PDZRN4: variants seen among roughly 807,000 people sequenced by gnomAD.
The protein encoded by PDZRN4 is PDZ domain-containing RING finger protein 4.
A neutral mutation model predicts 99.0 loss-of-function variants in PDZRN4; 70 were observed. That is an observed-to-expected ratio of 0.71 (90% CI 0.58 to 0.86). The LOEUF is 0.86. Among genes scored for constraint, PDZRN4 ranks in the 40% least tolerant of loss-of-function variants. PDZRN4 has a pLI of 0.00. For missense variants in PDZRN4, 1,474 were observed against 1,331.2 expected, an observed-to-expected ratio of 1.11 and a Z score of -1.67; for synonymous variants, 551 against 501.6, an observed-to-expected ratio of 1.10 and a Z score of -1.32.
chr12:41,516,540 G>T (rs1938403429), intron 5 of PDZRN4, among the ~76,000 whole-genome samples: 1 of 152,078 alleles, frequency 6.6e-6, no homozygotes. Context: ...ATGGATTTAA[G>T]TGTATACCTG....
chr12:41,408,991 G>A (rs2120368722), intron 3 of PDZRN4, among the ~76,000 whole-genome samples: 1 of 152,146 alleles, frequency 6.6e-6, no homozygotes, highest in South Asian at 2.1e-4. Flanking sequence ...AACCTACTCA[G>A]ATATGTAAGT....
chr12:41,290,750 G>A (rs1463306337), intron 3 of PDZRN4, among the ~76,000 whole-genome samples: 2 of 151,858 alleles, frequency 1.3e-5, no homozygotes, highest in African/African-American at 4.8e-5. Flanking sequence ...CAATCTTTTG[G>A]AGAAGGAATA....
chr12:41,384,361 T>C (rs1952150491), intron 3 of PDZRN4, among the ~76,000 whole-genome samples: 1 of 152,166 alleles, frequency 6.6e-6, no homozygotes, highest in Non-Finnish European at 1.5e-5. Flanking sequence ...TCCTCCTTAC[T>C]CAGTGTTTTT....
intron 3 of PDZRN4, among the ~76,000 whole-genome samples, chr12:41,410,134 C>CT (rs1465930809): frequency 6.6e-6 from 1 of 152,128 alleles, no homozygotes; most frequent in Non-Finnish European, 1.5e-5. Context: ...AACATTTTAT[C>CT]TTTTTGAGAA....
chr12:41,504,112 T>C (rs1938162388), intron 3 of PDZRN4, among the ~76,000 whole-genome samples: 1 of 151,812 alleles, frequency 6.6e-6, no homozygotes, highest in Non-Finnish European at 1.5e-5. Context: ...CTACTAAAAA[T>C]ACAAAAGTTA....
chr12:41,324,644 G>A (rs1401859791), intron 3 of PDZRN4, among the ~76,000 whole-genome samples: 2 of 152,016 alleles, frequency 1.3e-5, no homozygotes, highest in African/African-American at 2.4e-5. Context: ...AATCCAGATA[G>A]GTATTAGGTT....
At chr12:41,439,545 A>AAGAAATCCAGCAGGATTACTGCAGCC (rs1952659261) in intron 3 of PDZRN4, among the ~76,000 whole-genome samples, 1 of 152,166 alleles carries the variant, frequency 6.6e-6, no homozygotes, top group Non-Finnish European at 1.5e-5. Context: ...ATATTCTACT[A>AAGAAATCCAGCAGGATTACTGCAGCC]AGAAATCCAG....
intron 3 of PDZRN4, among the ~76,000 whole-genome samples, chr12:41,218,493 G>A (rs373438939): frequency 1.4e-5 from 2 of 142,818 alleles, no homozygotes; most frequent in African/African-American, 6.1e-5. Context: ...TTGTGCTTTT[G>A]TTTCAAAAAA....
chr12:41,521,671 T>A (rs577457284), intron 5 of PDZRN4, among the ~76,000 whole-genome samples: 1 of 152,188 alleles, frequency 6.6e-6, no homozygotes. Flanking sequence ...TCACAGCTAG[T>A]TAATGGCAAG....
intron 5 of PDZRN4, among the ~76,000 whole-genome samples, chr12:41,538,411 G>C (rs1321159487): frequency 6.6e-6 from 1 of 152,126 alleles, no homozygotes; most frequent in African/African-American, 2.4e-5. Context: ...TTGTGGACAT[G>C]GAGGATATTC....
At chr12:41,558,186 T>C (rs1017905039) in intron 7 of PDZRN4, among the ~76,000 whole-genome samples, 2 of 152,246 alleles carry the variant, frequency 1.3e-5, no homozygotes, top group Non-Finnish European at 1.5e-5. Flanking sequence ...GAAAATAATG[T>C]AATCTTTTGA....
At chr12:41,371,019 T>C (rs1199221349) in intron 3 of PDZRN4, among the ~76,000 whole-genome samples, 2 of 151,386 alleles carry the variant, frequency 1.3e-5, no homozygotes, top group Non-Finnish European at 1.5e-5. Context: ...TGATTTTCAG[T>C]ATCAACCGGC....
Position 41,189,036 on chromosome 12 carries a change from A to T in PDZRN4, c.581A>T (p.Glu194Val). The T allele has an allele frequency of 6.4e-7, 1 of 1,572,604 alleles. No homozygotes were observed. The highest frequency in any genetic ancestry group is 8.6e-7 in the Non-Finnish European group (1 of 1,167,596). The change falls in exon 1 of 10, where the codon GAG becomes GTG. Residue 194 changes from glutamate (E) to valine (V), a missense_variant. By Grantham distance (121) the Glu-to-Val change is moderately radical. Coordinates refer to ENST00000402685, the MANE Select transcript of PDZRN4 (RefSeq NM_001164595.2). ...CAGCTCACGGCGCGCAGGTACCAGGAGAAGTTCACCCAATACATGGCTCAC... is the reference window on the plus strand; with the variant it reads ...CAGCTCACGGCGCGCAGGTACCAGGTGAAGTTCACCCAATACATGGCTCAC... ...EVQLTARRYQ[E>V]KFTQYMAHVR... is the part of the protein sequence containing the mutation.
chr12:41,203,138 TG>T (rs1197239558), intron 3 of PDZRN4, among the ~76,000 whole-genome samples: 6 of 151,768 alleles, frequency 4.0e-5, no homozygotes, highest in Non-Finnish European at 5.9e-5. Flanking sequence ...TACGGAAGGT[TG>T]AAAAAAAAAC....
chr12:41,414,212 C>T (rs79372838), intron 3 of PDZRN4, among the ~76,000 whole-genome samples: 2,887 of 152,176 alleles, frequency 0.019, 36 homozygotes, highest in Non-Finnish European at 0.032. Context: ...TTGCACATGA[C>T]CTGACCTTTT....
At chr12:41,393,719 T>C (rs1952226326) in intron 3 of PDZRN4, among the ~76,000 whole-genome samples, 1 of 151,768 alleles carries the variant, frequency 6.6e-6, no homozygotes, top group Admixed American at 6.6e-5. Flanking sequence ...TATGTAGGGC[T>C]GACTGAGATT....
rs902898005 is a variant in PDZRN4, at chr12:41,390,893, C to T, written c.844-115563C>T. Among the ~76,000 whole-genome samples the T allele has an allele frequency of 2.3e-4, 35 of 151,982 alleles. 1 individual carries two copies. Among genetic ancestry groups the T allele is most frequent in the Admixed American group, 2.2e-3 (34 of 15,254 alleles). ...TAGTTTTATTTTTTCTAATGCTAAG[C>T]GTTAAGTCCTAGATGTAGGAAGAAA... On this transcript the variant is annotated intron_variant, in intron 3 of 9. Transcript: ENST00000402685.
chr12:41,423,689 T>G (rs556012523), intron 3 of PDZRN4, among the ~76,000 whole-genome samples: 29 of 152,188 alleles, frequency 1.9e-4, no homozygotes, highest in Non-Finnish European at 3.1e-4. Flanking sequence ...CTGTTTATTT[T>G]GCCATTGGAC....
intron 3 of PDZRN4, among the ~76,000 whole-genome samples, chr12:41,376,928 T>C (rs1213651782): frequency 6.6e-6 from 1 of 152,202 alleles, no homozygotes; most frequent in Non-Finnish European, 1.5e-5. Context: ...AGAGGTTCAA[T>C]TTCATTCTTC....
Sources: gnomAD v4.1 joint callset for allele counts (sites outside exome capture counted in the v4.1 genomes callset) on GRCh38, gnomAD v4.1.1 for gene constraint, MANE v1.5 for transcripts, NCBI Gene and HGNC (gene_info 2026-07-23, HGNC 2026-07-21) for gene names.